Variants in PSME4 observed in about 807,000 individuals in gnomAD.
PSME4 encodes the protein proteasome activator complex subunit 4.
Under a neutral mutation model 253.9 loss-of-function variants are expected in PSME4, and 89 were observed. The ratio of observed to expected loss-of-function variants is 0.35; its 90% CI spans 0.30 to 0.42. The LOEUF (loss-of-function observed/expected upper bound fraction) is 0.42. Ranked by LOEUF, PSME4 falls within the 10% of genes least tolerant of loss-of-function variation. The probability of loss-of-function intolerance (pLI) is 1.00; values close to 1 mark genes in which losing one functional copy is unlikely to be tolerated. For synonymous variants in PSME4, 851 were observed against 759.2 expected, an observed-to-expected ratio of 1.12 and a Z score of -1.99; for missense variants, 2,014 against 2,195.2, an observed-to-expected ratio of 0.92 and a Z score of 1.65.
intron 28 of PSME4, among the ~76,000 whole-genome samples, chr2:53,900,748 T>G (rs1375072627): frequency 6.6e-6 from 1 of 152,140 alleles, no homozygotes; most frequent in East Asian, 1.9e-4. Context: ...AGGAATACAT[T>G]TAGAACAGTG....
At chr2:53,936,624 T>C (rs1198455381) in intron 6 of PSME4, 140 bp downstream of exon 6, 3 of 570,292 alleles carry the variant, frequency 5.3e-6, no homozygotes, top group Non-Finnish European at 9.0e-6. Context: ...GATCATAACA[T>C]GGCTAACAGC....
chr2:53,893,061 C>G, intron 35 of PSME4, 101 bp from the exon 36 acceptor site: 1 of 1,029,950 alleles, frequency 9.7e-7, no homozygotes, highest in Middle Eastern at 3.1e-4. Flanking sequence ...CTTAAAAGCT[C>G]CAAGCACACT....
intron 40 of PSME4, 122 bp downstream of exon 40, chr2:53,887,137 G>C: frequency 1.2e-6 from 1 of 863,162 alleles, no homozygotes; most frequent in Non-Finnish European, 1.8e-6. Context: ...CTTAAAAATG[G>C]TTAAAACAGT....
chr2:53,948,288 C>G, intron 3 of PSME4, 133 bp downstream of exon 3: 1 of 672,944 alleles, frequency 1.5e-6, no homozygotes, highest in Non-Finnish European at 2.7e-6. Context: ...TTTCAGGAGT[C>G]AAATTACACA....
At chr2:53,896,020 A>G (rs1321014696) in intron 32 of PSME4, among the ~76,000 whole-genome samples, 1 of 152,150 alleles carries the variant, frequency 6.6e-6, no homozygotes, top group Non-Finnish European at 1.5e-5. Context: ...TGTTTAAACT[A>G]TTTAGATTTG....
At chr2:53,916,450 C>A (rs1408045344) in intron 20 of PSME4, among the ~76,000 whole-genome samples, 1 of 152,054 alleles carries the variant, frequency 6.6e-6, no homozygotes, top group Non-Finnish European at 1.5e-5. Context: ...AGTATATTTT[C>A]CCATTTCCTA....
At chr2:53,887,639 G>A (rs1679701389) in intron 39 of PSME4, among the ~76,000 whole-genome samples, 172 bp from the exon 40 acceptor site, 1 of 152,176 alleles carries the variant, frequency 6.6e-6, no homozygotes, top group African/African-American at 2.4e-5. Flanking sequence ...TTAACACTTA[G>A]GTGTTGTGAC....
At chr2:53,921,202 T>C (rs1395371520) in intron 17 of PSME4, 98 bp from the exon 18 acceptor site, 1 of 1,518,452 alleles carries the variant, frequency 6.6e-7, no homozygotes, top group Non-Finnish European at 8.8e-7. Flanking sequence ...ACCTAGTGTT[T>C]CTCTAAATGA....
In PSME4 at chr2:53,875,876, T is replaced by C. The variant is rs143727661; in HGVS notation, c.4816-121A>G. ...ATTTTTATGGAAAATTTCAAACACATAAACTAGAGAATAGCATAATGAACC... is the reference window on the plus strand; with the variant it reads ...ATTTTTATGGAAAATTTCAAACACACAAACTAGAGAATAGCATAATGAACC... On this transcript the variant is annotated intron_variant, in intron 41 of 46. Coordinates refer to ENST00000404125, the MANE Select transcript of PSME4 (RefSeq NM_014614.3). The C allele has an allele frequency of 1.3e-4, 116 of 876,996 alleles. 1 individual carries two copies. The highest frequency in any genetic ancestry group is 1.5e-4 in the Admixed American group (5 of 33,076). 54.3% of individuals were successfully genotyped at this position (876,996 alleles called of 1,614,324 possible). A position where few individuals can be genotyped will look rare whatever the true frequency, so the allele number is the denominator to read the frequency against.
At chr2:53,867,005 T>A (rs1347697087) in intron 44 of PSME4, 125 bp from the exon 45 acceptor site, 3 of 918,818 alleles carry the variant, frequency 3.3e-6, no homozygotes, top group Non-Finnish European at 3.3e-6. Flanking sequence ...TTAAAATGAA[T>A]CTACATGTAA....
chr2:53,868,785 T>C (rs1558638735), intron 44 of PSME4, among the ~76,000 whole-genome samples: 1 of 151,588 alleles, frequency 6.6e-6, no homozygotes, highest in Non-Finnish European at 1.5e-5. Context: ...AATCTTTTTA[T>C]GTATTTTCTA....
intron 17 of PSME4, among the ~76,000 whole-genome samples, chr2:53,921,537 G>A (rs913882305): frequency 6.9e-6 from 1 of 144,804 alleles, no homozygotes; most frequent in Non-Finnish European, 1.5e-5. Context: ...GAGCCACCAC[G>A]CCTGGCCCTA....
intron 37 of PSME4, among the ~76,000 whole-genome samples, chr2:53,889,187 C>G (rs1679778122): frequency 1.3e-5 from 2 of 152,098 alleles, no homozygotes; most frequent in Admixed American, 1.3e-4. Context: ...TTTAGAAATA[C>G]TGAAAACATA....
At chr2:53,933,294 C>T (rs1668935423) in intron 8 of PSME4, 1 of 144,928 alleles carries the variant, frequency 6.9e-6, no homozygotes, top group Non-Finnish European at 1.5e-5. Context: ...AGGAGAATCA[C>T]TTGAACCCGG....
At chr2:53,876,822 A>T (rs1445691603) in intron 41 of PSME4, among the ~76,000 whole-genome samples, 2 of 142,752 alleles carry the variant, frequency 1.4e-5, no homozygotes, top group Non-Finnish European at 3.0e-5. Flanking sequence ...GGGGTCGGTG[A>T]TCCTCCCACC....
At position 53,888,009 on chromosome 2, in the gene PSME4, G is replaced by C; in HGVS notation, c.4389-20C>G. The stretch of plus-strand genomic sequence containing the variant: ...AGTCGACTAAAATTAAAGCATCGTA[G>C]TGTTATATTGGAGGCCCTTTCTGCC... On this transcript the variant is annotated intron_variant, in intron 38 of 46. Coordinates refer to ENST00000404125, the MANE Select transcript of PSME4 (RefSeq NM_014614.3). The C allele has an allele frequency of 6.3e-7, 1 of 1,598,846 alleles. No individual in the cohort carries two copies.
chr2:53,901,010 C>T (rs529871419), intron 28 of PSME4, among the ~76,000 whole-genome samples: 2 of 152,140 alleles, frequency 1.3e-5, no homozygotes, highest in South Asian at 2.1e-4. Context: ...CGATCTTTTG[C>T]GACTTTGGCT....
chr2:53,888,285 GCTT>G (rs546707182), intron 38 of PSME4: 133 of 253,012 alleles, frequency 5.3e-4, no homozygotes, highest in South Asian at 2.9e-3. Flanking sequence ...TTAATTAAGT[GCTT>G]CTTCTTTTTA....
intron 9 of PSME4, 38 bp from the exon 10 acceptor site, chr2:53,932,138 A>G (rs1303600198): frequency 6.3e-7 from 1 of 1,582,202 alleles, no homozygotes; most frequent in East Asian, 2.2e-5. Flanking sequence ...AGTAGGTTCT[A>G]CTTTGCCGCA....
Sources: allele counts gnomAD v4.1 joint callset (sites outside exome capture counted in the v4.1 genomes callset), GRCh38; gene constraint gnomAD v4.1.1; transcripts MANE v1.5; gene names NCBI Gene and HGNC (gene_info 2026-07-23, HGNC 2026-07-21).